The following LHFPL3 variants were observed in gnomAD, a reference collection of about 807,000 sequenced individuals.
LHFPL3 encodes the protein LHFPL tetraspan subfamily member 3 protein.
A neutral mutation model predicts 19.3 loss-of-function variants in LHFPL3; 5 were observed. That is an observed-to-expected ratio of 0.26 (90% CI 0.14 to 0.54). LHFPL3 has a LOEUF of 0.54. Ranked by LOEUF, LHFPL3 falls within the 20% of genes least tolerant of loss-of-function variation. The pLI is 0.94. For synonymous variants in LHFPL3, 133 were observed against 126.2 expected (o/e 1.05, Z -0.36); for missense variants, 249 against 307.4 (o/e 0.81, Z 1.42).
At chr7:104,432,053 G>A (rs1356157248) in intron 1 of LHFPL3, among the ~76,000 whole-genome samples, 2 of 152,168 alleles carry the variant, frequency 1.3e-5, no homozygotes, top group Admixed American at 1.3e-4. Flanking sequence ...GCTGGTTTCT[G>A]TGATTTTCCA....
At position 104,347,014 on chromosome 7, in the gene LHFPL3, G is replaced by T. The variant is rs1266282360; in HGVS notation, c.445+17790G>T. On this transcript the variant is annotated intron_variant, in intron 1 of 2. Coordinates refer to ENST00000424859, the MANE Select transcript of LHFPL3 (RefSeq NM_199000.3). The stretch of plus-strand genomic sequence containing the variant: ...AGGGTAATTGTATGACCTTGGACCA[G>T]TTCCTTAGCCTATCTGTGCCTCAGT... 4.8e-5 allele frequency among the ~76,000 whole-genome samples: 7 copies of T among 145,264 alleles called. 1 individual carries two copies. Among genetic ancestry groups the T allele is most frequent in the Admixed American group, 1.4e-4 (2 of 13,894 alleles).
intron 1 of LHFPL3, among the ~76,000 whole-genome samples, chr7:104,519,709 T>C (rs1794006212): frequency 6.6e-6 from 1 of 152,162 alleles, no homozygotes; most frequent in Non-Finnish European, 1.5e-5. Flanking sequence ...CGTTAATGAC[T>C]GTTTTGACTA....
intron 2 of LHFPL3, among the ~76,000 whole-genome samples, chr7:104,827,214 T>C (rs1484440050): frequency 2.6e-5 from 4 of 152,202 alleles, no homozygotes; most frequent in Admixed American, 2.6e-4. Flanking sequence ...CAGTTCTCCA[T>C]GTGGTACCTC....
At chr7:104,567,664 G>A (rs1346680305) in intron 1 of LHFPL3, among the ~76,000 whole-genome samples, 1 of 152,208 alleles carries the variant, frequency 6.6e-6, no homozygotes, top group Non-Finnish European at 1.5e-5. Flanking sequence ...CCACAGTGAA[G>A]AAAATGATGA....
chr7:104,371,079 G>A (rs867006256), intron 1 of LHFPL3, among the ~76,000 whole-genome samples: 2 of 152,076 alleles, frequency 1.3e-5, no homozygotes, highest in African/African-American at 4.8e-5. Flanking sequence ...AGCCCTTCCT[G>A]TTTTGAACTC....
rs541341410 is a variant in LHFPL3, at chr7:104,849,459, G to A, written c.683-56728G>A. Among the ~76,000 whole-genome samples, 317 of 152,358 alleles carry A rather than the reference G, an allele frequency of 2.1e-3. 1 individual carries two copies. Among genetic ancestry groups the A allele is most frequent in the Admixed American group, 5.5e-3 (84 of 15,308 alleles). On this transcript the variant is annotated intron_variant, in intron 2 of 2. Coordinates refer to ENST00000424859, the MANE Select transcript of LHFPL3 (RefSeq NM_199000.3). ...GACCAGCCTGGCTCCTGGGGGCTGG[G>A]TGGCCCTGCACTGTGTGGGGGCCAA... is the stretch of plus-strand genomic sequence containing the variant.
chr7:104,761,116 AAG>A (rs945901812), intron 2 of LHFPL3, among the ~76,000 whole-genome samples: 3 of 152,094 alleles, frequency 2.0e-5, no homozygotes, highest in African/African-American at 7.2e-5. Context: ...CAAAACTGCA[AAG>A]AGAGGCAGGC....
chr7:104,596,229 T>C (rs1790854759), intron 1 of LHFPL3, among the ~76,000 whole-genome samples: 1 of 152,264 alleles, frequency 6.6e-6, no homozygotes, highest in Non-Finnish European at 1.5e-5. Flanking sequence ...GCAGTGGCCC[T>C]GCCTCAGACC....
chr7:104,382,587 T>G (rs140832009), intron 1 of LHFPL3, among the ~76,000 whole-genome samples: 3 of 152,342 alleles, frequency 2.0e-5, no homozygotes, highest in African/African-American at 7.2e-5. Context: ...TTCTAGAATG[T>G]GGCCTGAGCA....
intron 1 of LHFPL3, among the ~76,000 whole-genome samples, chr7:104,711,590 G>A (rs762030800): frequency 9.2e-5 from 14 of 152,090 alleles, no homozygotes; most frequent in Non-Finnish European, 1.6e-4. Context: ...CCATTCTCTT[G>A]GAACATAAAT....
At chr7:104,404,716 T>C (rs1344211389) in intron 1 of LHFPL3, among the ~76,000 whole-genome samples, 1 of 152,208 alleles carries the variant, frequency 6.6e-6, no homozygotes, top group East Asian at 1.9e-4. Flanking sequence ...GAGTTCCATG[T>C]TTCTGACCTG....
chr7:104,685,582 A>G (rs1411003188), intron 1 of LHFPL3, among the ~76,000 whole-genome samples: 1 of 152,170 alleles, frequency 6.6e-6, no homozygotes, highest in Non-Finnish European at 1.5e-5. Context: ...TGAGAGTCAG[A>G]GTATAAGAGC....
chr7:104,570,494 C>T (rs1295052355), intron 1 of LHFPL3, among the ~76,000 whole-genome samples: 6 of 152,180 alleles, frequency 3.9e-5, no homozygotes, highest in Admixed American at 3.9e-4. Flanking sequence ...ATGATTTGTA[C>T]ATGTCTATTA....
chr7:104,592,627 A>G (rs1023540480), intron 1 of LHFPL3, among the ~76,000 whole-genome samples: 1 of 152,060 alleles, frequency 6.6e-6, no homozygotes, highest in African/African-American at 2.4e-5. Context: ...ATTCTCTTCA[A>G]AGCTGTCAGA....
chr7:104,590,142 T>A (rs1217947587), intron 1 of LHFPL3, among the ~76,000 whole-genome samples: 2 of 152,228 alleles, frequency 1.3e-5, no homozygotes, highest in Non-Finnish European at 2.9e-5. Context: ...AGTTATTTCT[T>A]GCCTTCTGCT....
intron 1 of LHFPL3, among the ~76,000 whole-genome samples, chr7:104,449,335 G>A (rs1792386660): frequency 6.6e-6 from 1 of 152,200 alleles, no homozygotes; most frequent in Non-Finnish European, 1.5e-5. Context: ...GGTGTAAAAT[G>A]TCATGCTGTT....
chr7:104,855,014 G>C (rs1364007028), intron 2 of LHFPL3, among the ~76,000 whole-genome samples: 1 of 152,226 alleles, frequency 6.6e-6, no homozygotes, highest in Non-Finnish European at 1.5e-5. Context: ...GAAGCTTAAT[G>C]TATTTCCTGT....
At position 104,536,484 on chromosome 7, in the gene LHFPL3, C is replaced by T. The variant is rs550838504; in HGVS notation, c.446-200191C>T. 2.0e-5 allele frequency among the ~76,000 whole-genome samples: 3 copies of T among 152,320 alleles called. No individual in the cohort carries two copies. The East Asian group carries it at 5.8e-4, about 29-fold the overall frequency. Reference sequence around the variant, plus strand: ...ATCATTTTCCCCCACGTATGATTTTCCACATCATTACATCAAATCTGCCCC... The same window carrying T: ...ATCATTTTCCCCCACGTATGATTTTTCACATCATTACATCAAATCTGCCCC... On this transcript the variant is annotated intron_variant, in intron 1 of 2. Coordinates refer to ENST00000424859, the MANE Select transcript of LHFPL3 (RefSeq NM_199000.3).
At chr7:104,643,215 C>T (rs1405608951) in intron 1 of LHFPL3, among the ~76,000 whole-genome samples, 2 of 152,066 alleles carry the variant, frequency 1.3e-5, no homozygotes, top group Admixed American at 6.5e-5. Context: ...GTTTCATTTC[C>T]TTCTGACCCC....
Sources: gnomAD v4.1 joint callset for allele counts (sites outside exome capture counted in the v4.1 genomes callset) on GRCh38, gnomAD v4.1.1 for gene constraint, MANE v1.5 for transcripts, NCBI Gene and HGNC (gene_info 2026-07-23, HGNC 2026-07-21) for gene names.